The following WWOX variants were observed in gnomAD, a reference collection of about 807,000 sequenced individuals.
WWOX encodes WW domain-containing oxidoreductase.
WWOX carries 69 observed loss-of-function variants against 46.2 expected under a neutral mutation model. The ratio of observed to expected loss-of-function variants is 1.49; its 90% CI spans 1.23 to 1.82. WWOX has a LOEUF of 1.82. Ranked by LOEUF, WWOX falls within the 40% of genes most tolerant of loss-of-function variation. The pLI is 0.00. For synonymous variants in WWOX, 359 were observed against 202.6 expected, an observed-to-expected ratio of 1.77 and a Z score of -6.56; for missense variants, 919 against 542.6, an observed-to-expected ratio of 1.69 and a Z score of -6.89.
At chr16:78,963,617 T>C (rs1368187210) in intron 8 of WWOX, among the ~76,000 whole-genome samples, 6 of 152,240 alleles carry the variant, frequency 3.9e-5, no homozygotes, top group Non-Finnish European at 7.3e-5. Flanking sequence ...TGGTATGCTT[T>C]TTAAAAATAA....
chr16:78,797,319 T>G (rs1392772489), intron 8 of WWOX, among the ~76,000 whole-genome samples: 1 of 128,588 alleles, frequency 7.8e-6, no homozygotes, highest in East Asian at 2.3e-4. Flanking sequence ...TGTATAATCA[T>G]GCAGGACACA....
At position 78,756,946 on chromosome 16, in the gene WWOX, C is replaced by T. The variant is rs187229782; in HGVS notation, c.1056+324194C>T. 6 of 702,862 alleles carry T rather than the reference C, an allele frequency of 8.5e-6. No homozygotes were observed. In the East Asian group the frequency reaches 1.3e-4, roughly 16 times the overall value. 43.5% of individuals were successfully genotyped at this position (702,862 alleles called of 1,614,324 possible). ...TGTGGATCATTCACTCTAGGAAAAG[C>T]CAGCTGCCATGTTGGGAGGATACTC... is the stretch of plus-strand genomic sequence containing the variant. On this transcript the variant is annotated intron_variant, in intron 8 of 8. Transcript: ENST00000566780.
At chr16:78,998,327 C>T (rs1038213669) in intron 8 of WWOX, among the ~76,000 whole-genome samples, 1 of 152,210 alleles carries the variant, frequency 6.6e-6, no homozygotes, top group African/African-American at 2.4e-5. Context: ...CCACTGGGCT[C>T]TGAGCTTCTT....
At chr16:79,085,320 G>A (rs2048834551) in intron 8 of WWOX, among the ~76,000 whole-genome samples, 1 of 152,126 alleles carries the variant, frequency 6.6e-6, no homozygotes. Flanking sequence ...GGTTATTACA[G>A]TAGTAATAGT....
At chr16:78,658,873 C>A (rs1375470746) in intron 8 of WWOX, among the ~76,000 whole-genome samples, 1 of 150,670 alleles carries the variant, frequency 6.6e-6, no homozygotes, top group Non-Finnish European at 1.5e-5. Flanking sequence ...AGGCGGATCA[C>A]TTGAGGTCAG....
In WWOX at chr16:78,598,526, G is replaced by C. The variant is rs111556781; in HGVS notation, c.1056+165774G>C. Among the ~76,000 whole-genome samples the C allele has an allele frequency of 3.3e-4, 51 of 152,308 alleles. 1 individual carries two copies. Among genetic ancestry groups the C allele is most frequent in the African/African-American group, 1.2e-3 (50 of 41,558 alleles). On this transcript the variant is annotated intron_variant, in intron 8 of 8. Transcript: ENST00000566780. The stretch of plus-strand genomic sequence containing the variant: ...CCAGATATTTCTTGCCATGGCGAGA[G>C]CTTAGTTGGGGGAGAGATTTTGACC...
chr16:78,591,964 A>G (rs1479162841), intron 8 of WWOX, among the ~76,000 whole-genome samples: 10 of 152,222 alleles, frequency 6.6e-5, no homozygotes, highest in Non-Finnish European at 5.9e-5. Context: ...GTTCCTAACA[A>G]TGCGCCTATT....
At chr16:78,156,286 G>A (rs1177624342) in intron 4 of WWOX, among the ~76,000 whole-genome samples, 1 of 152,206 alleles carries the variant, frequency 6.6e-6, no homozygotes, top group Non-Finnish European at 1.5e-5. Flanking sequence ...AAGTGAGATA[G>A]CAGGACTTAA....
At chr16:78,439,234 C>T (rs1331602003) in intron 8 of WWOX, among the ~76,000 whole-genome samples, 1 of 152,116 alleles carries the variant, frequency 6.6e-6, no homozygotes, top group Non-Finnish European at 1.5e-5. Context: ...TGAATCTAAA[C>T]ATTTTGAGAC....
In WWOX at chr16:79,211,672, T is replaced by G; in HGVS notation, c.1121T>G (p.Met374Arg). Residue 374 changes from methionine (M) to arginine (R), a missense_variant, in exon 9 of 9, where the codon ATG (methionine) becomes AGG (arginine). Met to Arg is a moderately conservative substitution (Grantham distance 91). Transcript: ENST00000566780. ...AVPELEGLGG[M>R]YFNNCCRCMP... Reference sequence around the variant, plus strand: ...CCAGAACTGGAGGGTCTGGGAGGGATGTACTTCAACAACTGCTGCCGCTGC... The same window carrying G: ...CCAGAACTGGAGGGTCTGGGAGGGAGGTACTTCAACAACTGCTGCCGCTGC... The G allele has an allele frequency of 1.2e-6, 2 of 1,614,190 alleles. No homozygotes were observed. The highest frequency in any genetic ancestry group is 1.7e-6 in the Non-Finnish European group (2 of 1,180,042).
At chr16:78,517,553 TTTG>T (rs2043262933) in intron 8 of WWOX, among the ~76,000 whole-genome samples, 1 of 152,134 alleles carries the variant, frequency 6.6e-6, no homozygotes, top group Admixed American at 6.5e-5. Context: ...TACAAATGGA[TTTG>T]AATTCTGTAA....
chr16:78,791,556 G>C (rs115479080), intron 8 of WWOX, among the ~76,000 whole-genome samples: 3 of 151,964 alleles, frequency 2.0e-5, no homozygotes, highest in Admixed American at 6.6e-5. Flanking sequence ...TCATACCTTC[G>C]CAGGCCATCT....
intron 8 of WWOX, chr16:78,895,548 A>G (rs939106666): frequency 6.6e-6 from 1 of 152,178 alleles, no homozygotes; most frequent in Non-Finnish European, 1.5e-5. Flanking sequence ...TACACTGTCC[A>G]CAGGCAAAGA....
chr16:78,491,423 A>G (rs1290263860), intron 8 of WWOX, among the ~76,000 whole-genome samples: 3 of 152,116 alleles, frequency 2.0e-5, no homozygotes, highest in Non-Finnish European at 4.4e-5. Flanking sequence ...CTTTCCCCAC[A>G]CTGATGGGTA....
chr16:79,173,649 A>G (rs1347119323), intron 8 of WWOX, among the ~76,000 whole-genome samples: 2 of 152,182 alleles, frequency 1.3e-5, no homozygotes, highest in Admixed American at 6.5e-5. Flanking sequence ...AGAAAAAAAA[A>G]AAACCCACCT....
At chr16:78,657,438 C>T (rs1348437535) in intron 8 of WWOX, among the ~76,000 whole-genome samples, 1 of 152,162 alleles carries the variant, frequency 6.6e-6, no homozygotes, top group African/African-American at 2.4e-5. Context: ...CAATATTGGA[C>T]AAGCTTGTCA....
chr16:79,185,012 C>A (rs941953698), intron 8 of WWOX, among the ~76,000 whole-genome samples: 2 of 152,282 alleles, frequency 1.3e-5, no homozygotes, highest in African/African-American at 2.4e-5. Flanking sequence ...TTATAAAAAT[C>A]AGGAAACACA....
At chr16:78,674,574 A>G (rs1217853242) in intron 8 of WWOX, among the ~76,000 whole-genome samples, 1 of 152,066 alleles carries the variant, frequency 6.6e-6, no homozygotes, top group African/African-American at 2.4e-5. Flanking sequence ...CTTGAGCCAC[A>G]GCACCCAGCC....
rs760077691 is a variant in WWOX, at chr16:78,425,025, G to T, written c.761G>T (p.Arg254Leu). 1.2e-6 allele frequency: 2 copies of T among 1,613,926 alleles called. No individual in the cohort carries two copies. Among genetic ancestry groups the T allele is most frequent in the South Asian group, 2.2e-5 (2 of 91,050 alleles). The change falls in exon 7 of 9, where the codon CGT becomes CTT. Residue 254 changes from arginine to leucine, a missense_variant. By Grantham distance (102) the Arg-to-Leu change is moderately radical. Transcript: ENST00000566780. Reference sequence around the variant, plus strand: ...GTTTTGTGCCGCTCAGCTCCTGCCCGTGTCATTGTGGTCTCCTCAGAGTCC... The same window carrying T: ...GTTTTGTGCCGCTCAGCTCCTGCCCTTGTCATTGTGGTCTCCTCAGAGTCC... ...QDVLCRSAPA[R>L]VIVVSSESHR...
Sources: gnomAD v4.1 joint callset for allele counts (sites outside exome capture counted in the v4.1 genomes callset) on GRCh38, gnomAD v4.1.1 for gene constraint, MANE v1.5 for transcripts, NCBI Gene and HGNC (gene_info 2026-07-23, HGNC 2026-07-21) for gene names.